The following ZNF343 variants were observed in gnomAD, a reference collection of about 807,000 sequenced individuals.
ZNF343 encodes the protein zinc finger protein 343.
In ZNF343, 11 loss-of-function variants were observed where a neutral mutation model predicts 13.8. The ratio of observed to expected loss-of-function variants is 0.80; its 90% CI spans 0.50 to 1.32. The LOEUF (loss-of-function observed/expected upper bound fraction) is 1.32. Ranked by LOEUF, ZNF343 falls within the 40% of genes most tolerant of loss-of-function variation. The probability of loss-of-function intolerance (pLI) is 0.00; values close to 1 mark genes in which losing one functional copy is unlikely to be tolerated. For missense variants in ZNF343, 658 were observed against 714.2 expected (o/e 0.92, Z 0.90); for synonymous variants, 248 against 260.0 (o/e 0.95, Z 0.44).
At chr20:2,493,307 G>A (rs1444119501) in intron 4 of ZNF343, among the ~76,000 whole-genome samples, 5 of 152,076 alleles carry the variant, frequency 3.3e-5, no homozygotes, top group African/African-American at 1.2e-4. Context: ...TCTGGAATGA[G>A]CATTTTTTAA....
chr20:2,483,632 CCCACACTCCCT>C lies in ZNF343; in HGVS notation c.1318_1328del (p.Arg440AlafsTer5). 6.2e-7 allele frequency: 1 copy of C among 1,613,398 alleles called. No individual in the cohort carries two copies. The highest frequency in any genetic ancestry group is 8.5e-7 in the Non-Finnish European group (1 of 1,179,652). ...GGGTTGACTTGTCACAAAAGCCTCG[CCCACACTCCCT>C]GCAAACATAAGGCTTCTCATCCAAG... On this transcript the variant is annotated frameshift_variant, in exon 6 of 6. Transcript: ENST00000278772. LOFTEE classifies it low-confidence loss of function (END_TRUNC).
chr20:2,499,464 C>CAA (rs35155995), intron 2 of ZNF343, among the ~76,000 whole-genome samples: 25 of 66,546 alleles, frequency 3.8e-4, no homozygotes, highest in East Asian at 1.6e-3. Context: ...GACTCCGTCT[C>CAA]AAAAAAAAAA....
intron 2 of ZNF343, among the ~76,000 whole-genome samples, chr20:2,498,682 A>AT (rs2085502907): frequency 6.6e-6 from 1 of 152,242 alleles, no homozygotes; most frequent in Non-Finnish European, 1.5e-5. Context: ...GCACTACCTT[A>AT]TAGGAATTAT....
intron 2 of ZNF343, among the ~76,000 whole-genome samples, chr20:2,496,238 T>G (rs898141263): frequency 1.3e-5 from 2 of 152,192 alleles, no homozygotes; most frequent in Non-Finnish European, 2.9e-5. Flanking sequence ...TACTTGAGAT[T>G]TGAACAATGT....
At chr20:2,506,252 C>T (rs1438690827) in intron 1 of ZNF343, among the ~76,000 whole-genome samples, 2 of 152,218 alleles carry the variant, frequency 1.3e-5, no homozygotes, top group Non-Finnish European at 2.9e-5. Context: ...GAGATACCAT[C>T]TCACACCAGT....
At chr20:2,496,103 C>A (rs2085455166) in intron 2 of ZNF343, among the ~76,000 whole-genome samples, 1 of 152,102 alleles carries the variant, frequency 6.6e-6, no homozygotes, top group South Asian at 2.1e-4. Flanking sequence ...AAAATATATA[C>A]CTCAGAAAAG....
chr20:2,519,592 A>C (rs997526394), intron 1 of ZNF343, among the ~76,000 whole-genome samples: 4 of 152,156 alleles, frequency 2.6e-5, no homozygotes, highest in African/African-American at 9.7e-5. Flanking sequence ...GTGTGTGTGC[A>C]TGTGTGTGTA....
In ZNF343 at chr20:2,483,013, T is replaced by G. The variant is rs1186893471; in HGVS notation, c.*148A>C. The stretch of plus-strand genomic sequence containing the variant: ...TCCTCTCCTGAACGTGTCCCTCCCA[T>G]GCCTGATAAGGGCTGACACATCTCT... On this transcript the variant is annotated 3_prime_UTR_variant, in exon 6 of 6. Transcript: ENST00000278772. The G allele has an allele frequency of 1.5e-5, 14 of 955,300 alleles. No homozygotes were observed. The highest frequency in any genetic ancestry group is 1.1e-5 in the Non-Finnish European group (7 of 653,314). The allele number at this position is 955,300 out of a possible 1,614,324, so 59.2% of individuals were successfully genotyped here. A position where few individuals can be genotyped will look rare whatever the true frequency, so the allele number is the denominator to read the frequency against.
rs1244034980 is a variant in ZNF343 at position 2,521,475 on chromosome 20, A to T, written c.-347+2980T>A. The stretch of plus-strand genomic sequence containing the variant: ...GATAGCCTGTGGAGCCCAAATCCAG[A>T]TGTAGCCTCTGGAGGGAGAAGTAGG... On this transcript the variant is annotated intron_variant, in intron 1 of 6. Coordinates refer to the ZNF343 transcript ENST00000358413. Among the ~76,000 whole-genome samples, 6 of 152,320 alleles carry T rather than the reference A, an allele frequency of 3.9e-5. No homozygotes were observed. The East Asian group carries it at 9.6e-4, about 24-fold the overall frequency.
intron 5 of ZNF343, among the ~76,000 whole-genome samples, chr20:2,489,661 G>A (rs769967269): frequency 3.3e-5 from 5 of 152,162 alleles, no homozygotes; most frequent in Non-Finnish European, 5.9e-5. Flanking sequence ...GTAACCAAGA[G>A]GTAATGTGAG....
intron 1 of ZNF343, among the ~76,000 whole-genome samples, chr20:2,504,485 G>C (rs1051108722): frequency 1.3e-5 from 2 of 152,160 alleles, no homozygotes; most frequent in African/African-American, 4.8e-5. Flanking sequence ...AAGCCTGGCA[G>C]AGACACAACA....
At position 2,484,188 on chromosome 20, in the gene ZNF343, G is replaced by T. The variant is rs747243820; in HGVS notation, c.773C>A (p.Thr258Lys). Reference protein sequence around the residue: ...PDHNLESNFITNPRTLLGKKP... With the variant: ...PDHNLESNFIKNPRTLLGKKP... ...CTTCCCTAAGAGGGTCCTCGGGTTT[G>T]TAATAAAGTTTGATTCCAGGTTATG... The change falls in exon 6 of 6, where the codon ACA (threonine) becomes AAA (lysine). Residue 258 changes from threonine to lysine, a missense_variant. Thr to Lys is a moderately conservative substitution (Grantham distance 78). Coordinates refer to ENST00000278772, the MANE Select transcript of ZNF343 (RefSeq NM_024325.6). 1 of 1,614,242 alleles carries T rather than the reference G, an allele frequency of 6.2e-7. No individual in the cohort carries two copies. The highest frequency in any genetic ancestry group is 1.7e-5 in the Admixed American group (1 of 60,030).
At chr20:2,498,866 C>A (rs1003980552) in intron 2 of ZNF343, among the ~76,000 whole-genome samples, 4 of 152,238 alleles carry the variant, frequency 2.6e-5, no homozygotes, top group African/African-American at 9.6e-5. Context: ...GGCAATCTGT[C>A]TCCAGAGCCC....
intron 2 of ZNF343, among the ~76,000 whole-genome samples, chr20:2,498,061 T>C (rs12480575): frequency 0.38 from 57,610 of 152,098 alleles, 11,548 homozygotes; most frequent in Non-Finnish European, 0.45. Flanking sequence ...AGTACTCATA[T>C]ATAAAGTGCT....
At chr20:2,502,729 G>A (rs779700909) in intron 1 of ZNF343, among the ~76,000 whole-genome samples, 38 of 152,280 alleles carry the variant, frequency 2.5e-4, no homozygotes, top group Non-Finnish European at 4.9e-4. Flanking sequence ...GTAAGTGAAG[G>A]AGAAATAAAA....
intron 1 of ZNF343, among the ~76,000 whole-genome samples, chr20:2,501,202 C>T (rs1404741574): frequency 6.6e-6 from 1 of 152,160 alleles, no homozygotes; most frequent in Admixed American, 6.5e-5. Flanking sequence ...CATGGACCCT[C>T]GCTCATTGCT....
chr20:2,519,273 T>C (rs1282080872), intron 1 of ZNF343, among the ~76,000 whole-genome samples: 1 of 152,146 alleles, frequency 6.6e-6, no homozygotes, highest in Non-Finnish European at 1.5e-5. Context: ...CTCATAATGA[T>C]TCTGACACTG....
chr20:2,510,370 A>G (rs1364340050), upstream of ZNF343, among the ~76,000 whole-genome samples: 2 of 152,156 alleles, frequency 1.3e-5, no homozygotes, highest in Admixed American at 1.3e-4. Context: ...GTTCAATATT[A>G]TTTGGTAATA....
At chr20:2,496,201 A>T (rs1195647934) in intron 2 of ZNF343, among the ~76,000 whole-genome samples, 1 of 152,232 alleles carries the variant, frequency 6.6e-6, no homozygotes, top group Non-Finnish European at 1.5e-5. Flanking sequence ...TAAATCGAGT[A>T]TTTAAGGAAA....
Sources: allele counts gnomAD v4.1 joint callset (sites outside exome capture counted in the v4.1 genomes callset), GRCh38; gene constraint gnomAD v4.1.1; transcripts MANE v1.5; gene names NCBI Gene and HGNC (gene_info 2026-07-23, HGNC 2026-07-21).